MMD2: variants seen among roughly 807,000 people sequenced by gnomAD.
MMD2 encodes monocyte to macrophage differentiation factor 2.
Under a neutral mutation model 33.5 loss-of-function variants are expected in MMD2, and 30 were observed. The ratio of observed to expected loss-of-function variants is 0.90; its 90% CI spans 0.67 to 1.22. The LOEUF (loss-of-function observed/expected upper bound fraction) is 1.22. Among genes scored for constraint, MMD2 ranks in the 50% most tolerant of loss-of-function variants. The pLI is 0.00. For synonymous variants in MMD2, 129 were observed against 123.0 expected (o/e 1.05, Z -0.32); for missense variants, 364 against 325.4 (o/e 1.12, Z -0.91).
At position 4,947,692 on chromosome 7, in the gene MMD2, CTTTTTTTTTTT is replaced by C. The variant is rs71033002; in HGVS notation, c.47+11268_47+11278del. On this transcript the variant is annotated intron_variant, in intron 1 of 6. Transcript: ENST00000401401. ...ACAGGTGTGAGCGACTGCACCTGGC[CTTTTTTTTTTT>C]TTTTTTTTTTTTTTGAGACAGAATT... is the stretch of plus-strand genomic sequence containing the variant. Among the ~76,000 whole-genome samples, 6 of 35,844 alleles carry C rather than the reference CTTTTTTTTTTT, an allele frequency of 1.7e-4. No homozygotes were observed. In the East Asian group the frequency reaches 4.1e-3, roughly 24 times the overall value. 23.5% of individuals were successfully genotyped at this position (35,844 alleles called of 152,430 possible).
intron 1 of MMD2, among the ~76,000 whole-genome samples, chr7:4,929,763 T>A (rs1056120211): frequency 6.6e-6 from 1 of 152,042 alleles, no homozygotes; most frequent in East Asian, 1.9e-4. Flanking sequence ...CACCTCATGA[T>A]CTGCCTGCCT....
intron 1 of MMD2, among the ~76,000 whole-genome samples, chr7:4,932,637 T>G (rs536998475): frequency 6.6e-6 from 1 of 151,614 alleles, no homozygotes; most frequent in African/African-American, 2.4e-5. Flanking sequence ...TTTTTTTTTT[T>G]TTTGAGAAGG....
rs2070513830 is a variant in MMD2, at chr7:4,909,899, G to A, written c.519C>T (p.Ala173=). The change falls in exon 6 of 7, where the codon GCC becomes GCT. Residue 173 remains alanine, a synonymous_variant. Coordinates refer to ENST00000401401, the MANE Select transcript of MMD2 (RefSeq NM_198403.4). Reference sequence around the variant, plus strand: ...CACTTACCATGGAGAGGATGACCAGGGCGGGGAAGAAGCCCATTACGACGT... The same window carrying A: ...CACTTACCATGGAGAGGATGACCAGAGCGGGGAAGAAGCCCATTACGACGT... ...LCYVVMGFFP[A]LVILSMPNTE... is the part of the protein sequence containing the mutation. The A allele has an allele frequency of 6.2e-7, 1 of 1,613,550 alleles. No individual in the cohort carries two copies. The highest frequency in any genetic ancestry group is 1.1e-5 in the South Asian group (1 of 91,042).
At chr7:4,911,277 T>C in intron 4 of MMD2, 31 bp from the exon 5 acceptor site, 1 of 1,536,420 alleles carries the variant, frequency 6.5e-7, no homozygotes, top group Non-Finnish European at 8.8e-7. Context: ...GCCATGGCCC[T>C]GAGGGGGGCC....
At chr7:4,951,552 A>G (rs1786244357) in intron 1 of MMD2, among the ~76,000 whole-genome samples, 1 of 152,028 alleles carries the variant, frequency 6.6e-6, no homozygotes, top group South Asian at 2.1e-4. Flanking sequence ...CTGTCCTGTC[A>G]TGGACACCTG....
intron 1 of MMD2, among the ~76,000 whole-genome samples, chr7:4,938,506 C>T (rs1293565791): frequency 6.6e-6 from 1 of 152,136 alleles, no homozygotes; most frequent in African/African-American, 2.4e-5. Flanking sequence ...ACCCTCAAGA[C>T]CGCAGCTAAT....
chr7:4,893,383 T>TATTTATTC, the MMD2 span, among the ~76,000 whole-genome samples: 1 of 150,816 alleles, frequency 6.6e-6, no homozygotes, highest in Non-Finnish European at 1.5e-5. Context: ...TTTATTTATT[T>TATTTATTC]ATTTATTTAT....
chr7:4,956,792 A>G (rs1286640131), intron 1 of MMD2, among the ~76,000 whole-genome samples: 1 of 152,170 alleles, frequency 6.6e-6, no homozygotes, highest in Non-Finnish European at 1.5e-5. Flanking sequence ...CTGAGACTTC[A>G]GAGCTCCTTC....
intron 1 of MMD2, among the ~76,000 whole-genome samples, chr7:4,942,081 G>A (rs1004948147): frequency 6.6e-6 from 1 of 151,278 alleles, no homozygotes; most frequent in Admixed American, 6.6e-5. Context: ...AGCCTCCCGA[G>A]TACCTGGGAC....
chr7:4,920,356 C>T (rs755084273), intron 2 of MMD2, 25 bp from the exon 3 acceptor site: 17 of 1,595,886 alleles, frequency 1.1e-5, no homozygotes, highest in Non-Finnish European at 1.4e-5. Flanking sequence ...ACGGCAGGGA[C>T]AGGTGCAGCA....
the MMD2 span, among the ~76,000 whole-genome samples, chr7:4,895,740 T>C: frequency 1.3e-5 from 2 of 152,020 alleles, no homozygotes; most frequent in Non-Finnish European, 2.9e-5. Flanking sequence ...TTCATCATGT[T>C]GGTCAGGTTG....
intron 2 of MMD2, among the ~76,000 whole-genome samples, chr7:4,921,815 G>T (rs1785293246): frequency 6.6e-6 from 1 of 152,108 alleles, no homozygotes; most frequent in South Asian, 2.1e-4. Context: ...CACCAGAATG[G>T]GATGGCTCCT....
At chr7:4,907,641 GT>G (rs768949234) in intron 6 of MMD2, 42 bp from the exon 7 acceptor site, 29 of 1,600,656 alleles carry the variant, frequency 1.8e-5, no homozygotes, top group Non-Finnish European at 2.5e-5. Context: ...CAGAGGGGCA[GT>G]CAGTGTGGCT....
chr7:4,944,233 C>T (rs938963158), intron 1 of MMD2, among the ~76,000 whole-genome samples: 5 of 151,794 alleles, frequency 3.3e-5, no homozygotes, highest in African/African-American at 1.2e-4. Context: ...TATGATCGAA[C>T]CACCGCACTT....
the MMD2 span, among the ~76,000 whole-genome samples, chr7:4,892,623 A>G: frequency 9.0e-5 from 11 of 122,560 alleles, no homozygotes; most frequent in African/African-American, 3.8e-4. Context: ...AATAAATCTG[A>G]AAAAATTAAT....
intron 1 of MMD2, among the ~76,000 whole-genome samples, chr7:4,930,645 CA>C (rs57731564): frequency 1.2e-4 from 14 of 120,496 alleles, no homozygotes; most frequent in South Asian, 2.8e-4. Context: ...ACTCTGTCTC[CA>C]AAAAAAAAAG....
At chr7:4,903,792 G>A (rs1045997633), downstream of MMD2, among the ~76,000 whole-genome samples, 8 of 152,212 alleles carry the variant, frequency 5.3e-5, no homozygotes, top group African/African-American at 1.7e-4. Flanking sequence ...AGTCCAGAAC[G>A]TCACACAGGC....
chr7:4,894,693 G>C, the MMD2 span, among the ~76,000 whole-genome samples: 1 of 152,204 alleles, frequency 6.6e-6, no homozygotes, highest in East Asian at 1.9e-4. This position sits in a 1 kb window ranked among gnomAD's most constrained non-coding sequence, Gnocchi z 4.3. Context: ...TTGCAAGCTA[G>C]CAAGTGCAGG....
rs1247141115 is a variant in MMD2, at chr7:4,940,436, T to C, written c.48-14904A>G. 1.3e-5 allele frequency among the ~76,000 whole-genome samples: 2 copies of C among 151,926 alleles called. No individual in the cohort carries two copies. The highest frequency in any genetic ancestry group is 6.6e-5 in the Admixed American group (1 of 15,260). ...GGTGCCTGTCAGTGGCGACCCTGAG[T>C]CCCTTGGACAGAGGACTAGAGAGAT... On this transcript the variant is annotated intron_variant, in intron 1 of 6. Coordinates refer to ENST00000401401, the MANE Select transcript of MMD2 (RefSeq NM_198403.4). This position sits in a 1 kb window ranked among gnomAD's most constrained non-coding sequence, Gnocchi z 5.0.
Sources: gnomAD v4.1 joint callset for allele counts (sites outside exome capture counted in the v4.1 genomes callset) on GRCh38, gnomAD v4.1.1 for gene constraint, Gnocchi (gnomAD v3.1) non-coding constraint, MANE v1.5 for transcripts, NCBI Gene and HGNC (gene_info 2026-07-23, HGNC 2026-07-21) for gene names.